Variants in RESF1 observed in about 807,000 individuals in gnomAD.
The protein encoded by RESF1 is retroelement silencing factor 1, also known as gonad expressed transcript.
Under a neutral mutation model 134.7 loss-of-function variants are expected in RESF1, and 65 were observed. That is an observed-to-expected ratio of 0.48 (90% CI 0.40 to 0.59). The LOEUF is 0.59. Among genes scored for constraint, RESF1 ranks in the 20% least tolerant of loss-of-function variants. The pLI is 0.00. For missense variants in RESF1, 2,274 were observed against 2,002.7 expected, an observed-to-expected ratio of 1.14 and a Z score of -2.59; for synonymous variants, 762 against 702.2, an observed-to-expected ratio of 1.09 and a Z score of -1.35.
chr12:31,978,862 C>T (rs1939700436), intron 3 of RESF1, among the ~76,000 whole-genome samples: 1 of 151,524 alleles, frequency 6.6e-6, no homozygotes, highest in African/African-American at 2.4e-5. Context: ...AGGCACTGTG[C>T]CCGGCAGTAT....
In RESF1 at chr12:31,969,450, G is replaced by A. The variant is rs185552887; in HGVS notation, c.-246-739G>A. On this transcript the variant is annotated intron_variant, in intron 2 of 5. Transcript: ENST00000312561. Reference sequence around the variant, plus strand: ...GCCCAGGAGGTGGAGTTGGCAGTGAGCTGAGATCGTGCCACTACACTCTAG... The same window carrying A: ...GCCCAGGAGGTGGAGTTGGCAGTGAACTGAGATCGTGCCACTACACTCTAG... Among the ~76,000 whole-genome samples the A allele has an allele frequency of 1.4e-3, 212 of 152,296 alleles. 1 individual carries two copies. The highest frequency in any genetic ancestry group is 5.0e-3 in the African/African-American group (207 of 41,556).
chr12:31,991,078 G>A (rs113703911), intron 5 of RESF1, among the ~76,000 whole-genome samples: 5,159 of 151,928 alleles, frequency 0.034, 307 homozygotes, highest in African/African-American at 0.12. Context: ...GCGCACCTGT[G>A]GTCCCAGCTG....
chr12:31,962,820 G>A (rs979687583), intron 2 of RESF1, among the ~76,000 whole-genome samples: 2 of 152,188 alleles, frequency 1.3e-5, no homozygotes, highest in African/African-American at 4.8e-5. Flanking sequence ...GATCAGGGTC[G>A]GGTGCGGTGG....
At position 31,982,592 on chromosome 12, in the gene RESF1, A is replaced by G. The variant is rs750774772; in HGVS notation, c.1637A>G (p.Glu546Gly). Residue 546 changes from glutamate (E) to glycine (G), a missense_variant, in exon 4 of 6, where the codon GAA (glutamate) becomes GGA (glycine). Coordinates refer to ENST00000312561, the MANE Select transcript of RESF1 (RefSeq NM_018169.4). Reference protein sequence around the residue: ...QAVLNTQLSSENVTKVEQNSP... With the variant: ...QAVLNTQLSSGNVTKVEQNSP... ...GTATTGAATACTCAGCTTTCATCAGAAAATGTTACCAAAGTTGAGCAAAAT... is the reference window on the plus strand; with the variant it reads ...GTATTGAATACTCAGCTTTCATCAGGAAATGTTACCAAAGTTGAGCAAAAT... 69 of 1,613,894 alleles carry G rather than the reference A, an allele frequency of 4.3e-5. No homozygotes were observed. The highest frequency in any genetic ancestry group is 5.7e-5 in the Non-Finnish European group (67 of 1,180,034).
At position 31,987,446 on chromosome 12, in the gene RESF1, T is replaced by G. The variant is rs1592266539; in HGVS notation, c.5086+124T>G. The G allele has an allele frequency of 1.1e-5, 7 of 612,140 alleles. No individual in the cohort carries two copies. The East Asian group carries it at 2.2e-4, about 19-fold the overall frequency. 37.9% of individuals were successfully genotyped at this position (612,140 alleles called of 1,614,324 possible). On this transcript the variant is annotated intron_variant, in intron 5 of 5. Coordinates refer to ENST00000312561, the MANE Select transcript of RESF1 (RefSeq NM_018169.4). The stretch of plus-strand genomic sequence containing the variant: ...CATGTTCTTTTTTTTTTTTCAGTCA[T>G]TCAGTGTTTGTGTTTGAGTGGTAGG...
chr12:31,986,732 A>T (rs1374369430), intron 4 of RESF1, among the ~76,000 whole-genome samples: 1 of 152,190 alleles, frequency 6.6e-6, no homozygotes, highest in Non-Finnish European at 1.5e-5. Context: ...AGATTGGAAA[A>T]CTAAAGGATT....
intron 2 of RESF1, 71 bp from the exon 3 acceptor site, chr12:31,970,118 A>G (rs1033879803): frequency 2.0e-5 from 3 of 152,204 alleles, no homozygotes; most frequent in Non-Finnish European, 4.4e-5. Flanking sequence ...AATTTCACAG[A>G]TATTGTTAAT....
At chr12:31,987,483 G>A (rs1048237976) in intron 5 of RESF1, among the ~76,000 whole-genome samples, 161 bp downstream of exon 5, 4 of 150,468 alleles carry the variant, frequency 2.7e-5, no homozygotes, top group Non-Finnish European at 5.9e-5. Context: ...GGACATTTTT[G>A]TGTTGTCGTG....
chr12:31,982,564 G>A lies in RESF1; in HGVS notation c.1609G>A (p.Ala537Thr), dbSNP rs764611053. The A allele has an allele frequency of 1.9e-6, 3 of 1,613,816 alleles. No homozygotes were observed. Among genetic ancestry groups the A allele is most frequent in the Non-Finnish European group, 2.5e-6 (3 of 1,180,012 alleles). ...GACATCAGCTGTTGAGATGACCCAG[G>A]CAGTATTGAATACTCAGCTTTCATC... is the stretch of plus-strand genomic sequence containing the variant. ...SKTSAVEMTQ[A>T]VLNTQLSSEN... The change falls in exon 4 of 6, where the codon GCA becomes ACA. Residue 537 changes from alanine (A) to threonine (T), a missense_variant. Transcript: ENST00000312561.
intron 5 of RESF1, among the ~76,000 whole-genome samples, chr12:31,991,596 A>C (rs910896377): frequency 1.1e-4 from 17 of 151,704 alleles, no homozygotes; most frequent in Admixed American, 1.1e-3. Flanking sequence ...TGTATTTCGC[A>C]TACCCATACA....
intron 5 of RESF1, among the ~76,000 whole-genome samples, 161 bp downstream of exon 5, chr12:31,987,483 G>T (rs1048237976): frequency 5.3e-5 from 8 of 150,466 alleles, no homozygotes; most frequent in Admixed American, 4.6e-4. Flanking sequence ...GGACATTTTT[G>T]TGTTGTCGTG....
At chr12:31,968,015 GT>G (rs1939436567) in intron 2 of RESF1, among the ~76,000 whole-genome samples, 1 of 152,176 alleles carries the variant, frequency 6.6e-6, no homozygotes, top group African/African-American at 2.4e-5. Flanking sequence ...AATAAATTGT[GT>G]TACATTTGGA....
intron 2 of RESF1, among the ~76,000 whole-genome samples, chr12:31,968,867 T>C (rs963801296): frequency 6.6e-6 from 1 of 152,256 alleles, no homozygotes. Flanking sequence ...CTTTTATGCC[T>C]GTCGTATTGG....
rs1452662919 is a variant in RESF1, at chr12:31,984,254, C to T, written c.3299C>T (p.Pro1100Leu). Residue 1100 changes from proline (P) to leucine (L), a missense_variant, in exon 4 of 6, where the codon CCA (proline) becomes CTA (leucine). Pro to Leu is a moderately conservative substitution (Grantham distance 98). Transcript: ENST00000312561. Reference sequence around the variant, plus strand: ...AAAACCAGTTCTGACTCCAAAGACCCAGCAGATCAAATACAAATTACAATA... The same window carrying T: ...AAAACCAGTTCTGACTCCAAAGACCTAGCAGATCAAATACAAATTACAATA... ...ADKTSSDSKD[P>L]ADQIQITILS... The T allele has an allele frequency of 3.1e-6, 5 of 1,613,956 alleles. No homozygotes were observed. Among genetic ancestry groups the T allele is most frequent in the Non-Finnish European group, 4.2e-6 (5 of 1,179,988 alleles).
At chr12:31,990,925 G>A (rs1940081228) in intron 5 of RESF1, among the ~76,000 whole-genome samples, 1 of 152,216 alleles carries the variant, frequency 6.6e-6, no homozygotes, top group South Asian at 2.1e-4. Flanking sequence ...GGCCTGGTGT[G>A]GGGCCCATGT....
rs1565846963 is a variant in RESF1 at position 31,983,899 on chromosome 12, T to C, written c.2944T>C (p.Ser982Pro). ...QSKSEPPLESSFNNLETNRVI... is the reference protein window; with the variant it reads ...QSKSEPPLESPFNNLETNRVI... ...AAAGTCAGAGCCACCCTTAGAGTCA[T>C]CTTTTAACAATCTTGAAACAAACAG... is the stretch of plus-strand genomic sequence containing the variant. Residue 982 changes from serine to proline, a missense_variant, in exon 4 of 6, where the codon TCT (serine) becomes CCT (proline). Ser to Pro is a moderately conservative substitution (Grantham distance 74, BLOSUM62 -1). Transcript: ENST00000312561. 6.2e-7 allele frequency: 1 copy of C among 1,613,908 alleles called. No homozygotes were observed. Among genetic ancestry groups the C allele is most frequent in the Non-Finnish European group, 8.5e-7 (1 of 1,180,012 alleles).
intron 5 of RESF1, among the ~76,000 whole-genome samples, chr12:31,988,602 T>C (rs900159557): frequency 7.2e-5 from 11 of 152,206 alleles, no homozygotes; most frequent in African/African-American, 2.4e-4. Context: ...CAGGGATGAC[T>C]GTATTTTAAT....
intron 4 of RESF1, among the ~76,000 whole-genome samples, chr12:31,986,304 A>C (rs1939970943): frequency 6.6e-6 from 1 of 152,322 alleles, no homozygotes; most frequent in East Asian, 1.9e-4. Flanking sequence ...CTAGTAATGT[A>C]AGAGTCTTGG....
chr12:31,976,379 A>G (rs550849342), intron 3 of RESF1, among the ~76,000 whole-genome samples: 21 of 152,354 alleles, frequency 1.4e-4, no homozygotes, highest in Admixed American at 4.6e-4. Flanking sequence ...TTTGTATGTT[A>G]CATGTATTAT....
Sources: allele counts gnomAD v4.1 joint callset (sites outside exome capture counted in the v4.1 genomes callset), GRCh38; gene constraint gnomAD v4.1.1; transcripts MANE v1.5; gene names NCBI Gene and HGNC (gene_info 2026-07-23, HGNC 2026-07-21).